ZNF451: variants seen among roughly 807,000 people sequenced by gnomAD.
The protein encoded by ZNF451 is zinc finger protein 451.
In ZNF451, 80 loss-of-function variants were observed where a neutral mutation model predicts 107.1. The ratio of observed to expected loss-of-function variants is 0.75; its 90% CI spans 0.62 to 0.90. ZNF451 has a LOEUF of 0.90. Ranked by LOEUF, ZNF451 falls within the 40% of genes least tolerant of loss-of-function variation. The pLI, the probability that ZNF451 is intolerant of heterozygous loss-of-function variation, is 0.00. For missense variants in ZNF451, 1,107 were observed against 1,236.2 expected (o/e 0.90, Z 1.57); for synonymous variants, 362 against 406.5 (o/e 0.89, Z 1.32).
chr6:57,156,591 T>C (rs1763434153), intron 13 of ZNF451, among the ~76,000 whole-genome samples: 1 of 152,140 alleles, frequency 6.6e-6, no homozygotes, highest in Non-Finnish European at 1.5e-5. Flanking sequence ...TTTTTGAGAA[T>C]CTGATGAAAA....
intron 3 of ZNF451, chr6:57,106,136 GA>G: frequency 2.0e-6 from 2 of 985,266 alleles, no homozygotes; most frequent in Non-Finnish European, 2.4e-6. Flanking sequence ...CAAGGAGGTT[GA>G]AAAAGACACA....
At chr6:57,098,987 A>T in intron 2 of ZNF451, 74 bp from the exon 3 acceptor site, 2 of 1,239,518 alleles carry the variant, frequency 1.6e-6, no homozygotes, top group African/African-American at 1.5e-5. Context: ...AACCAAAAAA[A>T]ACACTGTAGG....
At chr6:57,130,763 C>T (rs1316212465) in intron 5 of ZNF451, among the ~76,000 whole-genome samples, 1 of 152,126 alleles carries the variant, frequency 6.6e-6, no homozygotes, top group African/African-American at 2.4e-5. Flanking sequence ...AGTTATTTAG[C>T]TGTGTCTTTA....
chr6:57,168,624 T>A lies in ZNF451; in HGVS notation c.*155T>A, dbSNP rs1764007107. The A allele has an allele frequency of 1.5e-6, 1 of 652,360 alleles. No individual in the cohort carries two copies. Among genetic ancestry groups the A allele is most frequent in the Admixed American group, 3.3e-5 (1 of 30,448 alleles). 40.4% of individuals were successfully genotyped at this position (652,360 alleles called of 1,614,324 possible). A position where few individuals can be genotyped will look rare whatever the true frequency, so the allele number is the denominator to read the frequency against. Reference sequence around the variant, plus strand: ...TATGTTCAAAATCTGATCTTTGTTTTGTATTTTTGTGCTAATGTGCAAACA... The same window carrying A: ...TATGTTCAAAATCTGATCTTTGTTTAGTATTTTTGTGCTAATGTGCAAACA... On this transcript the variant is annotated 3_prime_UTR_variant, in exon 15 of 15. Coordinates refer to ENST00000370706, the MANE Select transcript of ZNF451 (RefSeq NM_001031623.3).
intron 3 of ZNF451, among the ~76,000 whole-genome samples, chr6:57,117,365 A>G (rs141152651): frequency 1.1e-3 from 168 of 152,122 alleles, no homozygotes; most frequent in Non-Finnish European, 1.7e-3. Context: ...GGGAAGCTCA[A>G]CTTGTAGTTA....
chr6:57,092,978 A>C (rs1190370836), intron 2 of ZNF451: 1 of 152,254 alleles, frequency 6.6e-6, no homozygotes, highest in African/African-American at 2.4e-5. Flanking sequence ...AGTTTTGCAA[A>C]GCCTCATACA....
intron 14 of ZNF451, among the ~76,000 whole-genome samples, chr6:57,163,741 C>T (rs1192757933): frequency 1.1e-4 from 16 of 152,014 alleles, no homozygotes; most frequent in Admixed American, 9.2e-4. Flanking sequence ...TGAGCCACCG[C>T]GCCCGGCCTA....
chr6:57,102,119 A>G, intron 3 of ZNF451: 4 of 1,471,474 alleles, frequency 2.7e-6, no homozygotes, highest in Non-Finnish European at 3.6e-6. Flanking sequence ...TGTTCAGCAG[A>G]GTAGTCATTC....
chr6:57,098,161 A>C (rs953386043), intron 2 of ZNF451, among the ~76,000 whole-genome samples: 1 of 149,376 alleles, frequency 6.7e-6, no homozygotes, highest in Non-Finnish European at 1.5e-5. Flanking sequence ...GTAGAGATGG[A>C]GTTTTACCAT....
At chr6:57,125,854 CAT>C (rs1375297163) in intron 4 of ZNF451, among the ~76,000 whole-genome samples, 2 of 152,104 alleles carry the variant, frequency 1.3e-5, no homozygotes, top group African/African-American at 4.8e-5. Context: ...CACACATACA[CAT>C]ATGCAAACAC....
At chr6:57,106,611 A>ATTTTTTTTTTTTTTTTTTT (rs75440505) in intron 3 of ZNF451, 1 of 678,152 alleles carries the variant, frequency 1.5e-6, no homozygotes, top group Non-Finnish European at 1.8e-6. Flanking sequence ...TGGCTGTGAA[A>ATTTTTTTTTTTTTTTTTTT]TTTTTTTTTT....
In ZNF451 at chr6:57,170,242, T is replaced by C. The variant is rs1764073147; in HGVS notation, c.*1773T>C. On this transcript the variant is annotated 3_prime_UTR_variant, in exon 15 of 15. Coordinates refer to ENST00000370706, the MANE Select transcript of ZNF451 (RefSeq NM_001031623.3). Reference sequence around the variant, plus strand: ...TTTAGACACAAGGAGATGTAATCGCTGTGTAACATCAGAGAAAGCTATATG... The same window carrying C: ...TTTAGACACAAGGAGATGTAATCGCCGTGTAACATCAGAGAAAGCTATATG... The C allele has an allele frequency of 6.6e-6, 1 of 152,250 alleles. No homozygotes were observed. The highest frequency in any genetic ancestry group is 2.4e-5 in the African/African-American group (1 of 41,464). 9.4% of individuals were successfully genotyped at this position (152,250 alleles called of 1,614,324 possible).
chr6:57,104,777 T>C (rs1377086301), intron 3 of ZNF451: 1 of 985,260 alleles, frequency 1.0e-6, no homozygotes, highest in Non-Finnish European at 1.2e-6. Context: ...CAGTAATAAG[T>C]AAAAGTATCC....
chr6:57,141,504 C>G, intron 8 of ZNF451, 49 bp downstream of exon 8: 1 of 1,510,262 alleles, frequency 6.6e-7, no homozygotes, highest in Admixed American at 1.8e-5. Context: ...TGAATCTTTG[C>G]TGATTTATCA....
chr6:57,147,869 A>G lies in ZNF451; in HGVS notation c.1784A>G (p.His595Arg). The G allele has an allele frequency of 1.2e-6, 2 of 1,614,142 alleles. No homozygotes were observed. Among genetic ancestry groups the G allele is most frequent in the Non-Finnish European group, 1.7e-6 (2 of 1,179,986 alleles). The change falls in exon 10 of 15, where the codon CAT (histidine) becomes CGT (arginine). Residue 595 changes from histidine (H) to arginine (R), a missense_variant. Coordinates refer to ENST00000370706, the MANE Select transcript of ZNF451 (RefSeq NM_001031623.3). ...TCATCAGCTATTACTGTTATTGATCATTCCCCGGCAAATAGTTCTCCGAGG... is the reference window on the plus strand; with the variant it reads ...TCATCAGCTATTACTGTTATTGATCGTTCCCCGGCAAATAGTTCTCCGAGG... Reference protein sequence around the residue: ...KPSSAITVIDHSPANSSPRGK... With the variant: ...KPSSAITVIDRSPANSSPRGK...
At chr6:57,138,727 A>ATGTGTGTGTGTGTG (rs1253099714) in intron 7 of ZNF451, among the ~76,000 whole-genome samples, 2 of 114,666 alleles carry the variant, frequency 1.7e-5, no homozygotes, top group Non-Finnish European at 1.8e-5. Context: ...ATATATATAT[A>ATGTGTGTGTGTGTG]TATATATATA....
chr6:57,124,347 C>G, intron 3 of ZNF451: 2 of 700,696 alleles, frequency 2.9e-6, no homozygotes, highest in South Asian at 3.0e-5. Context: ...AGTTTAGTTT[C>G]CTATGGAGGT....
At chr6:57,124,354 A>G in intron 3 of ZNF451, 1 of 702,316 alleles carries the variant, frequency 1.4e-6, no homozygotes, top group Non-Finnish European at 2.6e-6. Context: ...TTTCCTATGG[A>G]GGTTCCTGCT....
intron 3 of ZNF451, chr6:57,105,401 C>T: frequency 2.0e-6 from 2 of 985,082 alleles, no homozygotes; most frequent in African/African-American, 1.7e-5. Flanking sequence ...TTTAATTCTA[C>T]ACTTTTCTTT....
Sources: gnomAD v4.1 joint callset for allele counts (sites outside exome capture counted in the v4.1 genomes callset) on GRCh38, gnomAD v4.1.1 for gene constraint, MANE v1.5 for transcripts, NCBI Gene and HGNC (gene_info 2026-07-23, HGNC 2026-07-21) for gene names.